PLCH2: variants seen among roughly 807,000 people sequenced by gnomAD.
The protein encoded by PLCH2 is 1-phosphatidylinositol 4,5-bisphosphate phosphodiesterase eta-2.
PLCH2 carries 98 observed loss-of-function variants against 134.7 expected under a neutral mutation model. The observed-to-expected ratio is 0.73, with a 90% CI of 0.62 to 0.86. The LOEUF (loss-of-function observed/expected upper bound fraction) is 0.86, where lower values mean the gene tolerates loss of function less well. Ranked by LOEUF, PLCH2 falls within the 40% of genes least tolerant of loss-of-function variation. The probability of loss-of-function intolerance (pLI) is 0.00; values close to 1 mark genes in which losing one functional copy is unlikely to be tolerated. For missense variants in PLCH2, 1,994 were observed against 1,986.6 expected (o/e 1.00, Z -0.07); for synonymous variants, 974 against 827.5 (o/e 1.18, Z -3.04).
chr1:2,439,731 G>A lies in PLCH2; in HGVS notation c.115+9102G>A, dbSNP rs1397382195. ...ACCTGGGGCTGACACTGCCACCCTCGGGGGAGAGTCCCGGGGTCCGTGGGG... is the reference window on the plus strand; with the variant it reads ...ACCTGGGGCTGACACTGCCACCCTCAGGGGAGAGTCCCGGGGTCCGTGGGG... On this transcript the variant is annotated intron_variant, in intron 2 of 3. Transcript: ENST00000609981. The surrounding 1 kb of genome is among the most constrained non-coding windows in gnomAD (Gnocchi z 4.7). 2.6e-5 allele frequency among the ~76,000 whole-genome samples: 4 copies of A among 152,144 alleles called. No individual in the cohort carries two copies. The highest frequency in any genetic ancestry group is 4.8e-5 in the African/African-American group (2 of 41,436).
At chr1:2,499,857 CTCCTCTATCTCAAGAGGGGCTG>C (rs1643120418) in intron 20 of PLCH2, 137 bp downstream of exon 20, 3 of 688,928 alleles carry the variant, frequency 4.4e-6, no homozygotes, top group African/African-American at 3.5e-5. Flanking sequence ...CGGGCCTCTG[CTCCTCTATCTCAAGAGGGGCTG>C]CTGTGGGGGC....
chr1:2,487,627 C>T lies in PLCH2; in HGVS notation c.1144C>T (p.Pro382Ser). The T allele has an allele frequency of 6.2e-7, 1 of 1,613,264 alleles. No individual in the cohort carries two copies. The highest frequency in any genetic ancestry group is 1.3e-5 in the African/African-American group (1 of 75,058). Reference protein sequence around the residue: ...VDCWDGPDGEPIVHHGYTLTS... With the variant: ...VDCWDGPDGESIVHHGYTLTS... ...CTGCTGGGATGGGCCCGACGGGGAG[C>T]CCATTGTGCACCATGGCTACACTCT... Residue 382 changes from proline to serine, a missense_variant, in exon 8 of 22, where the codon CCC becomes TCC. This residue lies in a region of PLCH2 where 1,094 missense variants were observed against 1,234.3 expected (regional missense o/e 0.89). Transcript: ENST00000378486.
intron 1 of PLCH2, among the ~76,000 whole-genome samples, chr1:2,428,868 G>A (rs776933027): frequency 6.6e-6 from 1 of 152,262 alleles, no homozygotes; most frequent in Admixed American, 6.5e-5. Context: ...GAGAGGCTCC[G>A]GAGAGAGGGC....
At chr1:2,457,547 G>C (rs1640553483) in intron 2 of PLCH2, among the ~76,000 whole-genome samples, 1 of 152,206 alleles carries the variant, frequency 6.6e-6, no homozygotes, top group African/African-American at 2.4e-5. Context: ...GGGCCTGTGT[G>C]TTGCGGGACG....
chr1:2,489,660 A>G, intron 9 of PLCH2, 100 bp from the exon 10 acceptor site: 1 of 961,714 alleles, frequency 1.0e-6, no homozygotes, highest in Non-Finnish European at 1.6e-6. Flanking sequence ...GAGCTTGAGA[A>G]AAGGCCCCTC....
chr1:2,478,355 G>A (rs1243188023), intron 1 of PLCH2, 121 bp from the exon 2 acceptor site: 3 of 1,247,826 alleles, frequency 2.4e-6, no homozygotes, highest in East Asian at 2.5e-5. Context: ...AGGAGTGGCC[G>A]TGCCTCCGCT....
chr1:2,496,409 G>A (rs1276358933), intron 13 of PLCH2, among the ~76,000 whole-genome samples, 198 bp from the exon 14 acceptor site: 5 of 152,188 alleles, frequency 3.3e-5, no homozygotes, highest in African/African-American at 1.2e-4. Flanking sequence ...GCACCTGCTG[G>A]TAGCTCCCAG....
rs113799870 is a variant in PLCH2 at position 2,490,402 on chromosome 1, C to T, written c.1515+535C>T. On this transcript the variant is annotated intron_variant, in intron 10 of 21. Transcript: ENST00000378486. ...CCCACCAGCAGTCACCTCCACAGAG[C>T]GCTGTCACTGTGTCCCCGCCAGGGC... is the stretch of plus-strand genomic sequence containing the variant. Among the ~76,000 whole-genome samples, 1,309 of 152,274 alleles carry T rather than the reference C, an allele frequency of 8.6e-3. 23 individuals carry two copies. The highest frequency in any genetic ancestry group is 0.028 in the African/African-American group (1,162 of 41,556).
At chr1:2,433,088 A>G (rs1190698133) in intron 2 of PLCH2, among the ~76,000 whole-genome samples, 1 of 152,102 alleles carries the variant, frequency 6.6e-6, no homozygotes, top group Non-Finnish European at 1.5e-5. Context: ...GTGGGGCCCC[A>G]CTGAACTCAG....
Position 2,476,576 on chromosome 1 carries a change from C to A in PLCH2, c.-13C>A. On this transcript the variant is annotated 5_prime_UTR_variant, in exon 1 of 22. In the 5' UTR this introduces an upstream ATG that the reference lacks. Coordinates refer to ENST00000378486, the MANE Select transcript of PLCH2 (RefSeq NM_014638.4). ...TGTGGCCTCCGTGAAGCAGGCCCGG[C>A]TGTCGTCAGGCCATGTCTGGTCCAT... 6.6e-7 allele frequency: 1 copy of A among 1,505,694 alleles called. No individual in the cohort carries two copies. The highest frequency in any genetic ancestry group is 8.8e-7 in the Non-Finnish European group (1 of 1,134,634). The allele number at this position is 1,505,694 out of a possible 1,614,324, so 93.3% of individuals were successfully genotyped here.
chr1:2,497,148 T>A, intron 15 of PLCH2, 138 bp downstream of exon 15: 1 of 843,614 alleles, frequency 1.2e-6, no homozygotes, highest in Non-Finnish European at 1.8e-6. Flanking sequence ...CCTCCACACC[T>A]CTGTGGCATG....
chr1:2,490,245 C>T (rs904194185), intron 10 of PLCH2, among the ~76,000 whole-genome samples: 7 of 152,196 alleles, frequency 4.6e-5, no homozygotes, highest in African/African-American at 7.2e-5. Context: ...GATTTCCCAG[C>T]TTCCCGCCCT....
At chr1:2,499,390 C>T (rs971939230) in intron 19 of PLCH2, among the ~76,000 whole-genome samples, 160 bp downstream of exon 19, 29 of 152,240 alleles carry the variant, frequency 1.9e-4, no homozygotes, top group African/African-American at 6.7e-4. Flanking sequence ...TGGGGATCTG[C>T]GGGTCAGGCA....
In PLCH2 at chr1:2,478,571, C is replaced by T. The variant is rs1338858680; in HGVS notation, c.220C>T (p.His74Tyr). Residue 74 changes from histidine (H) to tyrosine (Y), a missense_variant, in exon 2 of 22, where the codon CAC (histidine) becomes TAC (tyrosine). His to Tyr is a moderately conservative substitution (Grantham distance 83). Transcript: ENST00000378486. ...GGTCCGCTTCTACTACCTGGACGAG[C>T]ACCGCTCCTGCATCCGCTGGAGGCC... is the stretch of plus-strand genomic sequence containing the variant. ...GLVRFYYLDEHRSCIRWRPSR... is the reference protein window; with the variant it reads ...GLVRFYYLDEYRSCIRWRPSR... The T allele has an allele frequency of 3.7e-6, 6 of 1,612,458 alleles. No homozygotes were observed. The East Asian group carries it at 8.9e-5, about 24-fold the overall frequency.
In PLCH2 at chr1:2,504,127, G is replaced by A. The variant is rs1378498870; in HGVS notation, c.3165G>A (p.Arg1055=). ...ACACTGAGGAGCCCCGAGACAGCAG[G>A]CCTCGGCCGTGCAACGGCGAGGGCG... is the stretch of plus-strand genomic sequence containing the variant. ...LEDTEEPRDS[R]PRPCNGEGAG... Residue 1055 remains arginine, a synonymous_variant, in exon 22 of 22, where the codon AGG becomes AGA. Transcript: ENST00000378486. 4.6e-6 allele frequency: 7 copies of A among 1,523,406 alleles called. No individual in the cohort carries two copies. The highest frequency in any genetic ancestry group is 1.4e-5 in the African/African-American group (1 of 71,240). 94.4% of individuals were successfully genotyped at this position (1,523,406 alleles called of 1,614,324 possible).
Position 2,497,519 on chromosome 1 carries a change from T to C in PLCH2, c.2134T>C (p.Ser712Pro). The part of the protein sequence containing the change: ...GCQMVALNYQ[S>P]EGRMLQLNRA... ...CCTCGCAGTTGCCCTGAACTACCAGTCAGAGGGGCGGATGCTGCAGCTGAA... is the reference window on the plus strand; with the variant it reads ...CCTCGCAGTTGCCCTGAACTACCAGCCAGAGGGGCGGATGCTGCAGCTGAA... Residue 712 changes from serine to proline, a missense_variant, in exon 16 of 22, where the codon TCA becomes CCA. Physicochemically the swap from Ser to Pro is moderately conservative, Grantham distance 74. Coordinates refer to ENST00000378486, the MANE Select transcript of PLCH2 (RefSeq NM_014638.4). The C allele has an allele frequency of 6.4e-7, 1 of 1,556,482 alleles. No individual in the cohort carries two copies. The highest frequency in any genetic ancestry group is 8.7e-7 in the Non-Finnish European group (1 of 1,150,440).
At chr1:2,436,998 G>A (rs1197444920) in intron 2 of PLCH2, among the ~76,000 whole-genome samples, 2 of 152,206 alleles carry the variant, frequency 1.3e-5, no homozygotes, top group Non-Finnish European at 2.9e-5. Flanking sequence ...AGGTGCTGCT[G>A]GGGCCCCTCC....
chr1:2,422,218 G>A (rs1160536863), upstream of PLCH2, among the ~76,000 whole-genome samples: 1 of 152,056 alleles, frequency 6.6e-6, no homozygotes, highest in Non-Finnish European at 1.5e-5. Context: ...GCAGTGAGCC[G>A]AGATCGCGCC....
At chr1:2,425,910 A>G (rs1228938490), upstream of PLCH2, 1 of 152,062 alleles carries the variant, frequency 6.6e-6, no homozygotes, top group African/African-American at 2.4e-5. Flanking sequence ...CCTGCTCCCC[A>G]CTATACTGTG....
Sources: allele counts gnomAD v4.1 joint callset (sites outside exome capture counted in the v4.1 genomes callset), GRCh38; gene constraint gnomAD v4.1.1; regional missense constraint gnomAD v4.1.1; non-coding constraint Gnocchi (gnomAD v3.1); transcripts MANE v1.5; gene names NCBI Gene and HGNC (gene_info 2026-07-23, HGNC 2026-07-21).